The following PDZD2 variants were observed in gnomAD, a reference collection of about 807,000 sequenced individuals.
PDZD2 encodes PDZ domain containing 2.
PDZD2 carries 90 observed loss-of-function variants against 220.7 expected under a neutral mutation model. The ratio of observed to expected loss-of-function variants is 0.41; its 90% CI spans 0.34 to 0.49. The LOEUF is 0.49. Ranked by LOEUF, PDZD2 falls within the 20% of genes least tolerant of loss-of-function variation. PDZD2 has a pLI of 0.28. For missense variants in PDZD2, 3,174 were observed against 3,608.5 expected, an observed-to-expected ratio of 0.88 and a Z score of 3.08; for synonymous variants, 1,375 against 1,450.5, an observed-to-expected ratio of 0.95 and a Z score of 1.18.
At chr5:31,804,552 T>A (rs1580790302) in intron 2 of PDZD2, among the ~76,000 whole-genome samples, 1 of 152,296 alleles carries the variant, frequency 6.6e-6, no homozygotes, top group East Asian at 1.9e-4. Context: ...TGGCTGAATA[T>A]CACTTCCCCA....
intron 6 of PDZD2, among the ~76,000 whole-genome samples, chr5:32,016,453 T>C (rs1753789538): frequency 6.6e-6 from 1 of 152,210 alleles, no homozygotes; most frequent in South Asian, 2.1e-4. Flanking sequence ...GGTGTAAACC[T>C]GTGATTAGCA....
chr5:31,725,952 C>T (rs765031307), intron 1 of PDZD2: 26 of 621,090 alleles, frequency 4.2e-5, no homozygotes, highest in Middle Eastern at 4.6e-4. Context: ...CTGCCGCATG[C>T]GTAACAGATG....
At chr5:31,886,472 C>T (rs1431083722) in intron 2 of PDZD2, among the ~76,000 whole-genome samples, 4 of 152,074 alleles carry the variant, frequency 2.6e-5, no homozygotes, top group East Asian at 3.9e-4. Flanking sequence ...GAGGTTCTGC[C>T]CGCTGGAGAA....
chr5:31,885,910 T>G (rs1200317987), intron 2 of PDZD2, among the ~76,000 whole-genome samples: 1 of 136,282 alleles, frequency 7.3e-6, no homozygotes, highest in Non-Finnish European at 1.6e-5. Context: ...GTTTTTGAGT[T>G]AGTTTTTTGG....
chr5:31,785,959 T>G (rs1336354882), intron 1 of PDZD2, among the ~76,000 whole-genome samples: 1 of 151,950 alleles, frequency 6.6e-6, no homozygotes, highest in African/African-American at 2.4e-5. Context: ...AGCAAAGGGG[T>G]CATGGAGGGA....
chr5:31,881,803 C>T (rs1206975111), intron 2 of PDZD2, among the ~76,000 whole-genome samples: 1 of 152,082 alleles, frequency 6.6e-6, no homozygotes, highest in East Asian at 1.9e-4. Context: ...GCATCTCCGC[C>T]TCCTGGGTTT....
chr5:31,903,727 G>GT (rs1340877195), intron 2 of PDZD2, among the ~76,000 whole-genome samples: 1 of 150,222 alleles, frequency 6.7e-6, no homozygotes, highest in Non-Finnish European at 1.5e-5. Flanking sequence ...TTTTGTTTTT[G>GT]TTTTTTTCTT....
chr5:31,884,169 C>T (rs1166673993), intron 2 of PDZD2, among the ~76,000 whole-genome samples: 2 of 152,166 alleles, frequency 1.3e-5, no homozygotes, highest in Non-Finnish European at 2.9e-5. Flanking sequence ...GCTGAGATTG[C>T]TCCATTGCAC....
At chr5:31,717,863 G>A (rs879321209) in intron 1 of PDZD2, among the ~76,000 whole-genome samples, 6 of 152,140 alleles carry the variant, frequency 3.9e-5, no homozygotes, top group Admixed American at 2.0e-4. Flanking sequence ...ATGCTCTGTC[G>A]TCCCTGGAAA....
chr5:31,767,808 C>T (rs1752115274), intron 1 of PDZD2, among the ~76,000 whole-genome samples: 1 of 152,234 alleles, frequency 6.6e-6, no homozygotes, highest in Non-Finnish European at 1.5e-5. Flanking sequence ...CTAGTCTCTC[C>T]TTGATCCATA....
At chr5:31,813,307 G>A (rs550578536) in intron 2 of PDZD2, among the ~76,000 whole-genome samples, 18 of 152,058 alleles carry the variant, frequency 1.2e-4, no homozygotes, top group South Asian at 6.2e-4. Context: ...AAAATTAGCC[G>A]GGCATGGTGG....
intron 2 of PDZD2, among the ~76,000 whole-genome samples, chr5:31,810,322 G>A (rs1352197805): frequency 1.3e-5 from 2 of 150,776 alleles, no homozygotes; most frequent in Admixed American, 6.6e-5. Context: ...GAGTGCAGTG[G>A]CGCGATCTCC....
At position 31,923,537 on chromosome 5, in the gene PDZD2, G is replaced by T. The variant is rs1744474061; in HGVS notation, c.477-59618G>T. The stretch of plus-strand genomic sequence containing the variant: ...TTCTGAGCCTACTTTGGGGATAAAG[G>T]ATTATTTGGTCTTCTGGATTTGGAG... On this transcript the variant is annotated intron_variant, in intron 2 of 24. Transcript: ENST00000438447. The T allele has an allele frequency of 1.3e-5, 12 of 895,360 alleles. No homozygotes were observed. The Admixed American group carries it at 2.1e-4, about 16-fold the overall frequency. The allele number at this position is 895,360 out of a possible 1,614,324, so 55.5% of individuals were successfully genotyped here.
intron 1 of PDZD2, among the ~76,000 whole-genome samples, chr5:31,736,062 G>C (rs1749842071): frequency 6.6e-6 from 1 of 152,194 alleles, no homozygotes; most frequent in South Asian, 2.1e-4. Flanking sequence ...GAGGGATGCA[G>C]TAAATAAAAA....
chr5:31,760,466 A>C (rs1751565842), intron 1 of PDZD2, among the ~76,000 whole-genome samples: 1 of 152,216 alleles, frequency 6.6e-6, no homozygotes. Context: ...TATCATGGAG[A>C]TCTTTGGGAG....
chr5:31,720,769 G>A (rs1336157443), intron 1 of PDZD2, among the ~76,000 whole-genome samples: 1 of 152,168 alleles, frequency 6.6e-6, no homozygotes, highest in Non-Finnish European at 1.5e-5. Context: ...GATGGGGCAG[G>A]ACCCTCTCTG....
At chr5:31,886,859 A>G (rs985519015) in intron 2 of PDZD2, among the ~76,000 whole-genome samples, 11 of 152,090 alleles carry the variant, frequency 7.2e-5, no homozygotes, top group South Asian at 4.2e-4. Flanking sequence ...CACCACACCC[A>G]GCTATTTTTT....
At chr5:31,862,563 CT>C (rs34086606) in intron 2 of PDZD2, among the ~76,000 whole-genome samples, 102 of 128,166 alleles carry the variant, frequency 8.0e-4, no homozygotes, top group Admixed American at 1.8e-3. Context: ...CTTTTCTTTT[CT>C]TTTTTTTTTT....
chr5:31,955,683 C>CTTTT (rs34964306), intron 2 of PDZD2, among the ~76,000 whole-genome samples: 159 of 116,766 alleles, frequency 1.4e-3, no homozygotes, highest in African/African-American at 2.1e-3. Context: ...GGGCTCTGTT[C>CTTTT]TTTTTTTTTT....
Sources: gnomAD v4.1 joint callset for allele counts (sites outside exome capture counted in the v4.1 genomes callset) on GRCh38, gnomAD v4.1.1 for gene constraint, MANE v1.5 for transcripts, NCBI Gene and HGNC (gene_info 2026-07-23, HGNC 2026-07-21) for gene names.